SAMMSON: variants seen among roughly 807,000 people sequenced by gnomAD.
SAMMSON encodes survival associated mitochondrial melanoma specific oncogenic non-coding RNA.
chr3:70,200,769 A>C (rs978010800), intron 4 of SAMMSON, among the ~76,000 whole-genome samples: 4 of 152,094 alleles, frequency 2.6e-5, no homozygotes, highest in African/African-American at 9.7e-5. Flanking sequence ...AAATATTGTA[A>C]TCCTCATTTT....
At chr3:70,312,839 G>GA (rs576319446) in intron 7 of SAMMSON, 2 of 151,448 alleles carry the variant, frequency 1.3e-5, no homozygotes, top group African/African-American at 4.8e-5. Flanking sequence ...TGCAAAATAG[G>GA]AAAAAAATAA....
chr3:70,109,331 T>C (rs558682200), intron 4 of SAMMSON, among the ~76,000 whole-genome samples: 3 of 152,264 alleles, frequency 2.0e-5, no homozygotes, highest in Admixed American at 2.0e-4. Flanking sequence ...TCTCCTCTTC[T>C]CTCAGTCATT....
At chr3:70,345,499 T>C (rs918719017) in intron 7 of SAMMSON, among the ~76,000 whole-genome samples, 6 of 152,340 alleles carry the variant, frequency 3.9e-5, no homozygotes, top group East Asian at 1.9e-4. Flanking sequence ...CCTAAATAAT[T>C]TTTTAAATTT....
intron 2 of SAMMSON, among the ~76,000 whole-genome samples, chr3:70,417,141 TA>T (rs913626442): frequency 3.3e-5 from 5 of 152,042 alleles, no homozygotes; most frequent in East Asian, 1.9e-4. Context: ...GGCACAGGAG[TA>T]AAACCCAACA....
intron 4 of SAMMSON, among the ~76,000 whole-genome samples, chr3:70,091,948 G>A (rs2067306477): frequency 1.3e-5 from 2 of 152,216 alleles, no homozygotes; most frequent in South Asian, 2.1e-4. Flanking sequence ...GTTCATACAC[G>A]AAGTAAAGGA....
chr3:70,215,257 C>A (rs1285253980), intron 4 of SAMMSON, among the ~76,000 whole-genome samples: 3 of 152,056 alleles, frequency 2.0e-5, no homozygotes, highest in Non-Finnish European at 4.4e-5. Flanking sequence ...CAAGATTACC[C>A]CGCTGGTAAG....
chr3:70,236,917 A>G (rs1294760214), intron 4 of SAMMSON, among the ~76,000 whole-genome samples: 1 of 152,164 alleles, frequency 6.6e-6, no homozygotes, highest in East Asian at 1.9e-4. Context: ...ATTTATGTAA[A>G]AAATATTTCT....
rs1433236199 is a variant in SAMMSON at position 70,002,495 on chromosome 3, C to T, written n.22+2628C>T. Among the ~76,000 whole-genome samples the T allele has an allele frequency of 5.3e-5, 8 of 152,220 alleles. No individual in the cohort carries two copies. In the East Asian group the frequency reaches 7.7e-4, roughly 15 times the overall value. ...CACAAAGAAAAGCCAGCCACCAAGTCGCTTATAATTCTCTCACCAACAGTG... is the reference window on the plus strand; with the variant it reads ...CACAAAGAAAAGCCAGCCACCAAGTTGCTTATAATTCTCTCACCAACAGTG... On this transcript the variant is annotated intron_variant and non_coding_transcript_variant, in intron 1 of 9. Transcript: ENST00000642114.
At chr3:70,023,460 CA>C (rs34244262) in intron 3 of SAMMSON, among the ~76,000 whole-genome samples, 383 of 131,870 alleles carry the variant, frequency 2.9e-3, no homozygotes, top group African/African-American at 7.1e-3. Context: ...GACTCTGTCT[CA>C]AAAAAAAAAA....
chr3:70,327,012 C>G (rs796599800), intron 7 of SAMMSON, among the ~76,000 whole-genome samples: 1 of 152,130 alleles, frequency 6.6e-6, no homozygotes, highest in Non-Finnish European at 1.5e-5. Context: ...GCATGTGCCA[C>G]CACACCTGGC....
chr3:70,305,235 G>A (rs1164790991), intron 7 of SAMMSON, among the ~76,000 whole-genome samples: 2 of 150,956 alleles, frequency 1.3e-5, no homozygotes, highest in African/African-American at 2.4e-5. Flanking sequence ...TTTTTCCGTC[G>A]GCTATGCTTA....
chr3:69,999,760 T>G (rs1377173491), upstream of SAMMSON: 1 of 152,280 alleles, frequency 6.6e-6, no homozygotes, highest in Non-Finnish European at 1.5e-5. Flanking sequence ...TCGCTAGACA[T>G]TTGAGGAACA....
chr3:70,260,515 G>A (rs1701856050), intron 6 of SAMMSON, among the ~76,000 whole-genome samples: 1 of 152,034 alleles, frequency 6.6e-6, no homozygotes, highest in Non-Finnish European at 1.5e-5. Flanking sequence ...TTCTGATTGT[G>A]TTAAGTCAAG....
intron 7 of SAMMSON, among the ~76,000 whole-genome samples, chr3:70,293,293 A>AATT (rs1459810916): frequency 6.6e-6 from 1 of 152,096 alleles, no homozygotes; most frequent in Non-Finnish European, 1.5e-5. Flanking sequence ...AATTACATAC[A>AATT]ATTATCAAAA....
chr3:70,208,140 G>A (rs1270473592), intron 4 of SAMMSON, among the ~76,000 whole-genome samples: 1 of 152,048 alleles, frequency 6.6e-6, no homozygotes, highest in Non-Finnish European at 1.5e-5. Context: ...GGCTGATGAT[G>A]CCCAGGAACA....
intron 4 of SAMMSON, among the ~76,000 whole-genome samples, chr3:70,141,984 C>T (rs2067529501): frequency 6.6e-6 from 1 of 152,072 alleles, no homozygotes; most frequent in Admixed American, 6.6e-5. Context: ...CAAAGTGATA[C>T]CACCTTACTC....
At chr3:70,201,860 C>G (rs998299609) in intron 4 of SAMMSON, among the ~76,000 whole-genome samples, 5 of 152,154 alleles carry the variant, frequency 3.3e-5, no homozygotes, top group African/African-American at 1.2e-4. Context: ...TGGCTTCTGT[C>G]TAGATTCAGC....
chr3:70,203,383 T>C (rs1701259864), intron 4 of SAMMSON, among the ~76,000 whole-genome samples: 1 of 152,114 alleles, frequency 6.6e-6, no homozygotes, highest in Non-Finnish European at 1.5e-5. Flanking sequence ...TGGGAATAAA[T>C]AAAGAGTGAT....
intron 3 of SAMMSON, among the ~76,000 whole-genome samples, chr3:70,055,299 G>A (rs2067162897): frequency 6.6e-6 from 1 of 152,068 alleles, no homozygotes. Flanking sequence ...AAAAACCATG[G>A]CCACAGGCCA....
Sources: gnomAD v4.1 joint callset for allele counts (sites outside exome capture counted in the v4.1 genomes callset) on GRCh38, gnomAD v4.1.1 for gene constraint, MANE v1.5 for transcripts, NCBI Gene and HGNC (gene_info 2026-07-23, HGNC 2026-07-21) for gene names.